Variants in AXDND1 observed in about 807,000 individuals in gnomAD.
AXDND1 encodes the protein axonemal dynein light chain domain containing 1.
In AXDND1, 110 loss-of-function variants were observed where a neutral mutation model predicts 137.5. The observed-to-expected ratio is 0.80, with a 90% confidence interval of 0.69 to 0.94. The LOEUF is 0.94. Among genes scored for constraint, AXDND1 ranks in the 40% least tolerant of loss-of-function variants. The pLI, the probability that AXDND1 is intolerant of heterozygous loss-of-function variation, is 0.00. For synonymous variants in AXDND1, 414 were observed against 399.7 expected (o/e 1.04, Z -0.43); for missense variants, 1,191 against 1,169.8 (o/e 1.02, Z -0.26).
At chr1:179,531,575 G>A (rs1377310611) in intron 23 of AXDND1, among the ~76,000 whole-genome samples, 1 of 152,146 alleles carries the variant, frequency 6.6e-6, no homozygotes, top group Admixed American at 6.5e-5. Context: ...AACAGAAGGG[G>A]CCTAATTGTG....
chr1:179,548,415 GAGC>G (rs1395412207), intron 25 of AXDND1, among the ~76,000 whole-genome samples: 1 of 152,150 alleles, frequency 6.6e-6, no homozygotes, highest in Non-Finnish European at 1.5e-5. Context: ...GTAAATGGTA[GAGC>G]CTGAATCAAA....
At chr1:179,374,329 G>A (rs1468124966) in intron 4 of AXDND1, among the ~76,000 whole-genome samples, 2 of 152,134 alleles carry the variant, frequency 1.3e-5, no homozygotes, top group Admixed American at 6.6e-5. Context: ...GAAACAACAG[G>A]TGCTGGAGAG....
At chr1:179,388,773 T>G (rs1291384308) in intron 9 of AXDND1, among the ~76,000 whole-genome samples, 2 of 149,874 alleles carry the variant, frequency 1.3e-5, no homozygotes, top group Non-Finnish European at 1.5e-5. Flanking sequence ...TTTTTTGTAT[T>G]TTTAGTAGAG....
chr1:179,387,598 T>C (rs1649426489), intron 9 of AXDND1, among the ~76,000 whole-genome samples: 1 of 152,262 alleles, frequency 6.6e-6, no homozygotes, highest in Non-Finnish European at 1.5e-5. Context: ...ATGCTGTATA[T>C]TTTTGTTTTC....
intron 11 of AXDND1, among the ~76,000 whole-genome samples, chr1:179,402,163 T>TCAA (rs1553259729): frequency 8.6e-5 from 5 of 57,864 alleles, no homozygotes; most frequent in African/African-American, 1.3e-4. Flanking sequence ...AGACTCCGTC[T>TCAA]CAAAAAAAAA....
chr1:179,475,432 C>T (rs918379892), intron 17 of AXDND1, among the ~76,000 whole-genome samples: 4 of 152,214 alleles, frequency 2.6e-5, no homozygotes, highest in Non-Finnish European at 5.9e-5. Context: ...GCACCTCTTG[C>T]ATTAGCATGA....
At chr1:179,551,545 T>C in intron 25 of AXDND1, 1 of 1,452,014 alleles carries the variant, frequency 6.9e-7, no homozygotes, top group Non-Finnish European at 9.6e-7. Flanking sequence ...GCACTGAGCA[T>C]CTACTATGTG....
At chr1:179,403,873 G>A (rs550541326) in intron 11 of AXDND1, among the ~76,000 whole-genome samples, 21 of 152,106 alleles carry the variant, frequency 1.4e-4, no homozygotes, top group African/African-American at 7.2e-5. Flanking sequence ...CACTGCCCCC[G>A]GCCTACATCG....
chr1:179,381,469 G>A (rs12755804), intron 6 of AXDND1, among the ~76,000 whole-genome samples: 32,849 of 150,348 alleles, frequency 0.22, 3,618 homozygotes, highest in Non-Finnish European at 0.24. Flanking sequence ...TCAGCCTCCC[G>A]AGTAGCTGTG....
At chr1:179,485,480 C>T (rs988707073) in intron 18 of AXDND1, among the ~76,000 whole-genome samples, 1 of 152,122 alleles carries the variant, frequency 6.6e-6, no homozygotes, top group Non-Finnish European at 1.5e-5. Context: ...CTGAACCCAA[C>T]TTATACCTGA....
intron 12 of AXDND1, among the ~76,000 whole-genome samples, chr1:179,418,629 C>T (rs1003648570): frequency 6.7e-6 from 1 of 149,872 alleles, no homozygotes; most frequent in Non-Finnish European, 1.5e-5. Context: ...CTGACCCCCG[C>T]ACCTCCCTCC....
At chr1:179,484,981 G>A (rs1479963599) in intron 18 of AXDND1, among the ~76,000 whole-genome samples, 1 of 151,248 alleles carries the variant, frequency 6.6e-6, no homozygotes, top group African/African-American at 2.4e-5. Flanking sequence ...ATGGATGCCA[G>A]CAGACCTGCC....
At chr1:179,404,944 T>C (rs1272027442) in intron 11 of AXDND1, among the ~76,000 whole-genome samples, 4 of 152,038 alleles carry the variant, frequency 2.6e-5, no homozygotes, top group African/African-American at 7.2e-5. Context: ...CTGAGATACA[T>C]GTGCAGAATG....
chr1:179,461,557 C>T (rs895786988), intron 16 of AXDND1, among the ~76,000 whole-genome samples: 16 of 152,206 alleles, frequency 1.1e-4, no homozygotes, highest in African/African-American at 3.9e-4. Flanking sequence ...TCCATATGAA[C>T]TTTAAAGTAG....
chr1:179,534,737 GA>G lies in AXDND1; in HGVS notation c.2810del (p.Asn937IlefsTer22). On this transcript the variant is annotated frameshift_variant, in exon 25 of 26. Transcript: ENST00000367618. LOFTEE classifies it high-confidence loss of function. ...EHMQEKLLEV[E>X]NRARQAEEKF... ...TCTTCTCTTCCATATCAGGGAGGTT[GA>G]AAATAGAGCCAGACAGGCAGAGGAG... 1.9e-6 allele frequency: 3 copies of G among 1,576,658 alleles called. No individual in the cohort carries two copies. The highest frequency in any genetic ancestry group is 2.6e-6 in the Non-Finnish European group (3 of 1,170,594).
chr1:179,366,631 A>T lies in AXDND1; in HGVS notation c.97+25A>T, dbSNP rs771792558. ...GGTAAACTTCGTTGATTCTGAAGTC[A>T]TAAACAGTCATGGCCGTAAGACAGA... On this transcript the variant is annotated intron_variant, in intron 2 of 25. Coordinates refer to ENST00000367618, the MANE Select transcript of AXDND1 (RefSeq NM_144696.6). 39 of 1,556,648 alleles carry T rather than the reference A, an allele frequency of 2.5e-5. No homozygotes were observed. In the South Asian group the frequency reaches 4.3e-4, roughly 17 times the overall value.
At chr1:179,418,928 C>A (rs1006167699) in intron 12 of AXDND1, among the ~76,000 whole-genome samples, 1 of 151,824 alleles carries the variant, frequency 6.6e-6, no homozygotes, top group South Asian at 2.1e-4. Context: ...ACGCTCCTCA[C>A]CTCCCAGACG....
At chr1:179,525,196 G>T in intron 21 of AXDND1, 138 bp from the exon 22 acceptor site, 1 of 798,746 alleles carries the variant, frequency 1.3e-6, no homozygotes, top group Non-Finnish European at 1.9e-6. Flanking sequence ...TAAGGACAGG[G>T]ACTATTCTTA....
chr1:179,486,139 A>AAAAAAAAAACAGAAAACT (rs149119239), intron 18 of AXDND1, among the ~76,000 whole-genome samples: 3 of 87,806 alleles, frequency 3.4e-5, no homozygotes, highest in Non-Finnish European at 6.9e-5. Context: ...AAAAAAAAAA[A>AAAAAAAAAACAGAAAACT]AACCTGATAG....
Sources: allele counts gnomAD v4.1 joint callset (sites outside exome capture counted in the v4.1 genomes callset), GRCh38; gene constraint gnomAD v4.1.1; transcripts MANE v1.5; gene names NCBI Gene and HGNC (gene_info 2026-07-23, HGNC 2026-07-21).